SLC4A10: variants seen among roughly 807,000 people sequenced by gnomAD.
The protein encoded by SLC4A10 is sodium-driven chloride bicarbonate exchanger.
SLC4A10 carries 42 observed loss-of-function variants against 137.7 expected under a neutral mutation model. That is an observed-to-expected ratio of 0.30 (90% CI 0.24 to 0.39). SLC4A10 has a LOEUF of 0.39. Among genes scored for constraint, SLC4A10 ranks in the 10% least tolerant of loss-of-function variants. The pLI is 1.00. For missense variants in SLC4A10, 925 were observed against 1,355.0 expected (o/e 0.68, Z 4.98); for synonymous variants, 474 against 464.1 (o/e 1.02, Z -0.27).
At chr2:161,918,286 C>T (rs1359576956) in intron 15 of SLC4A10, among the ~76,000 whole-genome samples, 1 of 151,908 alleles carries the variant, frequency 6.6e-6, no homozygotes, top group Non-Finnish European at 1.5e-5. Context: ...CTCCTGAGTA[C>T]CTGAGATTAT....
At chr2:161,964,333 TTC>T in intron 22 of SLC4A10, 25 bp downstream of exon 22, 1 of 1,609,832 alleles carries the variant, frequency 6.2e-7, no homozygotes, top group Non-Finnish European at 8.5e-7. Context: ...TCAACTATTT[TTC>T]TCTTTCTCTG....
At chr2:161,633,990 T>C (rs2034008651) in intron 1 of SLC4A10, among the ~76,000 whole-genome samples, 1 of 151,858 alleles carries the variant, frequency 6.6e-6, no homozygotes, top group Non-Finnish European at 1.5e-5. Context: ...CTTAACTTTC[T>C]AAAAACTAGA....
At chr2:161,914,988 C>T (rs1193899563) in intron 15 of SLC4A10, among the ~76,000 whole-genome samples, 1 of 152,148 alleles carries the variant, frequency 6.6e-6, no homozygotes, top group African/African-American at 2.4e-5. Context: ...TGCCTGTTCT[C>T]TTCCGATTGG....
At chr2:161,902,894 A>G (rs970724223) in intron 12 of SLC4A10, among the ~76,000 whole-genome samples, 39 of 152,176 alleles carry the variant, frequency 2.6e-4, no homozygotes, top group African/African-American at 9.2e-4. Flanking sequence ...GAAAAATGAA[A>G]CAGTTTTTTA....
chr2:161,901,613 G>A (rs6726796), intron 12 of SLC4A10, among the ~76,000 whole-genome samples: 6,098 of 152,076 alleles, frequency 0.04, 160 homozygotes, highest in Middle Eastern at 0.068. Context: ...GGGAATATGT[G>A]TATAGCCTCC....
chr2:161,630,713 TG>T (rs2033384538), intron 1 of SLC4A10, among the ~76,000 whole-genome samples: 1 of 151,696 alleles, frequency 6.6e-6, no homozygotes, highest in African/African-American at 2.4e-5. Context: ...TTAGGCAGTT[TG>T]TAAAGTAATA....
intron 1 of SLC4A10, among the ~76,000 whole-genome samples, chr2:161,682,102 A>G (rs2040918236): frequency 6.6e-6 from 1 of 152,150 alleles, no homozygotes; most frequent in African/African-American, 2.4e-5. Flanking sequence ...TGGCAGTCCC[A>G]AAATGTATTT....
At chr2:161,666,934 T>A (rs775945365) in intron 1 of SLC4A10, among the ~76,000 whole-genome samples, 2 of 151,716 alleles carry the variant, frequency 1.3e-5, no homozygotes, top group Non-Finnish European at 3.0e-5. Flanking sequence ...CACTATTGGG[T>A]GGGTCTACAT....
At chr2:161,786,171 A>G (rs1221523433) in intron 2 of SLC4A10, among the ~76,000 whole-genome samples, 2 of 151,712 alleles carry the variant, frequency 1.3e-5, no homozygotes, top group Non-Finnish European at 2.9e-5. Flanking sequence ...TCATTATATA[A>G]TGTTATTCTT....
intron 10 of SLC4A10, among the ~76,000 whole-genome samples, chr2:161,883,884 C>T (rs2062012085): frequency 6.6e-6 from 1 of 152,158 alleles, no homozygotes; most frequent in South Asian, 2.1e-4. Context: ...AGGGCCCATC[C>T]TAATTCAGGA....
At chr2:161,765,034 G>C (rs2050650698) in intron 1 of SLC4A10, among the ~76,000 whole-genome samples, 1 of 152,054 alleles carries the variant, frequency 6.6e-6, no homozygotes. Flanking sequence ...GTCTTTACCA[G>C]TGCTTTTCAA....
At chr2:161,801,482 A>G (rs1470216432) in intron 2 of SLC4A10, among the ~76,000 whole-genome samples, 2 of 152,100 alleles carry the variant, frequency 1.3e-5, no homozygotes, top group Non-Finnish European at 2.9e-5. Context: ...GCAATATGCC[A>G]TCACACAGGT....
At chr2:161,782,155 C>T (rs1187232521) in intron 2 of SLC4A10, among the ~76,000 whole-genome samples, 3 of 152,044 alleles carry the variant, frequency 2.0e-5, no homozygotes, top group Non-Finnish European at 4.4e-5. Flanking sequence ...CAGCTTCTCC[C>T]TGGGGATGGA....
chr2:161,851,608 CTTAT>C (rs756407660), intron 4 of SLC4A10, among the ~76,000 whole-genome samples: 2 of 152,102 alleles, frequency 1.3e-5, no homozygotes, highest in Non-Finnish European at 2.9e-5. Context: ...TGCTTTGTCA[CTTAT>C]TTAGTCATCT....
intron 2 of SLC4A10, among the ~76,000 whole-genome samples, chr2:161,791,045 G>A: frequency 6.6e-6 from 1 of 152,130 alleles, no homozygotes; most frequent in Non-Finnish European, 1.5e-5. Context: ...AACCATTGTG[G>A]AAGACAGTGT....
chr2:161,816,289 A>T (rs1487230247), intron 3 of SLC4A10, among the ~76,000 whole-genome samples: 1 of 152,176 alleles, frequency 6.6e-6, no homozygotes, highest in African/African-American at 2.4e-5. Context: ...ATTCTTTGGA[A>T]TTCAACTTCC....
intron 1 of SLC4A10, among the ~76,000 whole-genome samples, chr2:161,767,123 ATATATATATATATATATG>A (rs1205890304): frequency 7.5e-5 from 6 of 79,632 alleles, no homozygotes; most frequent in South Asian, 3.8e-4. Context: ...ATATATATAT[ATATATATATATATATATG>A]TGTGTGTGTG....
chr2:161,729,506 A>G (rs2046605295), intron 1 of SLC4A10, among the ~76,000 whole-genome samples: 1 of 152,166 alleles, frequency 6.6e-6, no homozygotes, highest in African/African-American at 2.4e-5. Context: ...AGAAATATAC[A>G]CAAAAGTTTT....
At chr2:161,805,326 G>A (rs970110860) in intron 3 of SLC4A10, among the ~76,000 whole-genome samples, 12 of 152,056 alleles carry the variant, frequency 7.9e-5, no homozygotes, top group African/African-American at 2.7e-4. Flanking sequence ...AAACCATATC[G>A]TTCCACCCTT....
Sources: gnomAD v4.1 joint callset for allele counts (sites outside exome capture counted in the v4.1 genomes callset) on GRCh38, gnomAD v4.1.1 for gene constraint, MANE v1.5 for transcripts, NCBI Gene and HGNC (gene_info 2026-07-23, HGNC 2026-07-21) for gene names.